Variants in USP46 observed in about 807,000 individuals in gnomAD.
USP46 encodes ubiquitin specific peptidase 46.
In USP46, 12 loss-of-function variants were observed where a neutral mutation model predicts 44.4. That is an observed-to-expected ratio of 0.27 (90% confidence interval 0.17 to 0.44). The LOEUF (loss-of-function observed/expected upper bound fraction) is 0.44, where lower values mean the gene tolerates loss of function less well. USP46 is among the 20% of genes least tolerant of loss of function. The pLI is 1.00. For synonymous variants in USP46, 155 were observed against 161.5 expected, an observed-to-expected ratio of 0.96 and a Z score of 0.31; for missense variants, 248 against 444.8, an observed-to-expected ratio of 0.56 and a Z score of 3.98.
intron 1 of USP46, chr4:52,656,207 C>G (rs1032171699): frequency 8.0e-6 from 11 of 1,372,732 alleles, no homozygotes; most frequent in Non-Finnish European, 9.1e-6. Context: ...ACTACTCAAA[C>G]CAGCTGGGAC....
Position 52,601,931 on chromosome 4 carries a change from G to C in USP46, c.846C>G (p.Leu282=). The change falls in exon 7 of 9, where the codon CTC becomes CTG. Residue 282 remains leucine, a synonymous_variant. Transcript: ENST00000441222. ...TCACTGCATCACTGGAGGTGTTGAA[G>C]AGCCGGAGTTCCAGAGGGAAGACCA... The part of the protein sequence containing the change: ...YRVVFPLELR[L]FNTSSDAVNL... The C allele has an allele frequency of 2.5e-6, 4 of 1,614,002 alleles. No homozygotes were observed. Among genetic ancestry groups the C allele is most frequent in the Non-Finnish European group, 3.4e-6 (4 of 1,179,882 alleles).
intron 3 of USP46, among the ~76,000 whole-genome samples, chr4:52,627,033 T>C (rs887519718): frequency 1.3e-5 from 2 of 152,160 alleles, no homozygotes; most frequent in Admixed American, 6.5e-5. Context: ...TGAGCAAGCA[T>C]CTATCTGATA....
chr4:52,658,405 G>A, intron 1 of USP46: 2 of 384,970 alleles, frequency 5.2e-6, no homozygotes, highest in Admixed American at 3.0e-5. Flanking sequence ...CCTCCCCTAG[G>A]TCTACAGCGG....
chr4:52,633,026 GA>G (rs760056090), intron 1 of USP46, among the ~76,000 whole-genome samples: 1 of 144,962 alleles, frequency 6.9e-6, no homozygotes, highest in African/African-American at 2.6e-5. Context: ...AAGAAAGAAA[GA>G]AAAAGAAAGG....
chr4:52,650,013 A>G (rs1287198863), intron 1 of USP46, among the ~76,000 whole-genome samples: 1 of 152,238 alleles, frequency 6.6e-6, no homozygotes, highest in East Asian at 1.9e-4. Flanking sequence ...TAAAGCTCCA[A>G]TTGGTGGAAC....
intron 5 of USP46, among the ~76,000 whole-genome samples, chr4:52,606,313 G>A (rs529712821): frequency 2.0e-5 from 3 of 152,168 alleles, no homozygotes; most frequent in Non-Finnish European, 2.9e-5. Flanking sequence ...CAGCGGTGAC[G>A]TATTAGTCTG....
In USP46 at chr4:52,596,659, T is replaced by C. The variant is rs913194277; in HGVS notation, c.*981A>G. On this transcript the variant is annotated 3_prime_UTR_variant, in exon 9 of 9. Coordinates refer to ENST00000441222, the MANE Select transcript of USP46 (RefSeq NM_022832.4). ...AGACGGACTATGTTAAAAAGTTAAG[T>C]TGTACAACGTGCTGATGGCTGGAAA... 1 of 152,328 alleles carries C rather than the reference T, an allele frequency of 6.6e-6. No homozygotes were observed. The highest frequency in any genetic ancestry group is 2.4e-5 in the African/African-American group (1 of 41,446). 9.4% of individuals were successfully genotyped at this position (152,328 alleles called of 1,614,324 possible). A position where few individuals can be genotyped will look rare whatever the true frequency, so the allele number is the denominator to read the frequency against.
At chr4:52,636,902 C>T (rs1304435679) in intron 1 of USP46, among the ~76,000 whole-genome samples, 1 of 151,590 alleles carries the variant, frequency 6.6e-6, no homozygotes, top group Non-Finnish European at 1.5e-5. Flanking sequence ...CTTGACCTCC[C>T]AGGCTCAAGC....
intron 1 of USP46, among the ~76,000 whole-genome samples, chr4:52,638,765 T>G (rs1215895788): frequency 1.3e-5 from 2 of 152,098 alleles, no homozygotes; most frequent in Admixed American, 6.6e-5. Context: ...ACCTGCTGCA[T>G]GGACTGATGG....
At position 52,659,259 on chromosome 4, in the gene USP46, G is replaced by A. The variant is rs1247999827; in HGVS notation, c.-109C>T. 11 of 1,329,508 alleles carry A rather than the reference G, an allele frequency of 8.3e-6. No homozygotes were observed. The East Asian group carries it at 1.6e-4, about 19-fold the overall frequency. 82.4% of individuals were successfully genotyped at this position (1,329,508 alleles called of 1,614,324 possible). A position where few individuals can be genotyped will look rare whatever the true frequency, so the allele number is the denominator to read the frequency against. ...GCCGGGCGGCAGCGCGGCGGCCTGGGGTCCGGCTTTCAGTTTGGCTGGGAG... is the reference window on the plus strand; with the variant it reads ...GCCGGGCGGCAGCGCGGCGGCCTGGAGTCCGGCTTTCAGTTTGGCTGGGAG... On this transcript the variant is annotated 5_prime_UTR_variant, in exon 1 of 9. Transcript: ENST00000441222. This position sits in a 1 kb window ranked among gnomAD's most constrained non-coding sequence, Gnocchi z 4.2.
At chr4:52,621,206 C>T (rs1717362296) in intron 4 of USP46, among the ~76,000 whole-genome samples, 1 of 151,986 alleles carries the variant, frequency 6.6e-6, no homozygotes, top group Admixed American at 6.6e-5. Context: ...CAGACAAGTA[C>T]AGTAGAGAGA....
intron 5 of USP46, among the ~76,000 whole-genome samples, chr4:52,605,196 C>G (rs1716640277): frequency 6.6e-6 from 1 of 152,202 alleles, no homozygotes; most frequent in African/African-American, 2.4e-5. Flanking sequence ...TCCTACCAAC[C>G]CCTGCTCCCC....
intron 2 of USP46, 78 bp from the exon 3 acceptor site, chr4:52,628,241 A>G: frequency 6.9e-7 from 1 of 1,452,086 alleles, no homozygotes; most frequent in Non-Finnish European, 9.4e-7. Context: ...GAGGGTGAGA[A>G]GGTCCCTGCT....
At chr4:52,608,889 A>G (rs1716805736) in intron 5 of USP46, among the ~76,000 whole-genome samples, 1 of 152,254 alleles carries the variant, frequency 6.6e-6, no homozygotes, top group East Asian at 1.9e-4. Context: ...CATTTGGAGG[A>G]GTAAGGGGAG....
intron 4 of USP46, among the ~76,000 whole-genome samples, chr4:52,624,786 A>G (rs1375716986): frequency 6.6e-6 from 1 of 152,182 alleles, no homozygotes; most frequent in Non-Finnish European, 1.5e-5. Context: ...GTACCCTTAT[A>G]AAAGGAGACC....
Position 52,592,764 on chromosome 4 carries a change from G to A in USP46, c.*4876C>T, listed in dbSNP as rs528498214. 4.1e-4 allele frequency: 164 copies of A among 397,316 alleles called. No individual in the cohort carries two copies. Among genetic ancestry groups the A allele is most frequent in the Admixed American group, 1.6e-3 (36 of 22,692 alleles). 24.6% of individuals were successfully genotyped at this position (397,316 alleles called of 1,614,324 possible). ...TGAGGCAGAAGAATCGCTTGAACTCGGGAGGCAGAGGTTGCAGTGAGCTGA... is the reference window on the plus strand; with the variant it reads ...TGAGGCAGAAGAATCGCTTGAACTCAGGAGGCAGAGGTTGCAGTGAGCTGA... On this transcript the variant is annotated 3_prime_UTR_variant, in exon 9 of 9. Transcript: ENST00000441222.
At chr4:52,630,716 G>A (rs369553532) in intron 2 of USP46, among the ~76,000 whole-genome samples, 7 of 132,718 alleles carry the variant, frequency 5.3e-5, no homozygotes, top group South Asian at 4.9e-4. Context: ...CAACCTGAGC[G>A]ACAGAGCAAG....
At chr4:52,627,849 C>T (rs541450706) in intron 3 of USP46, 101 bp downstream of exon 3, 2 of 1,294,016 alleles carry the variant, frequency 1.5e-6, no homozygotes, top group Admixed American at 5.4e-5. Context: ...TGCTTATTTT[C>T]CCTTTTCAAA....
At position 52,591,000 on chromosome 4, in the gene USP46, G is replaced by C. The variant is rs1715987613; in HGVS notation, c.*6640C>G. ...TTTTCAAACAATTTATTTCACAGGA[G>C]AGGTGGAGAAGGCCAATCTTCTTCA... On this transcript the variant is annotated 3_prime_UTR_variant, in exon 9 of 9. Coordinates refer to ENST00000441222, the MANE Select transcript of USP46 (RefSeq NM_022832.4). 1.3e-5 allele frequency: 2 copies of C among 152,172 alleles called. No homozygotes were observed. The highest frequency in any genetic ancestry group is 1.3e-4 in the Admixed American group (2 of 15,266). The allele number at this position is 152,172 out of a possible 1,614,324, so 9.4% of individuals were successfully genotyped here.
Sources: allele counts gnomAD v4.1 joint callset (sites outside exome capture counted in the v4.1 genomes callset), GRCh38; gene constraint gnomAD v4.1.1; non-coding constraint Gnocchi (gnomAD v3.1); transcripts MANE v1.5; gene names NCBI Gene and HGNC (gene_info 2026-07-23, HGNC 2026-07-21).